The following SCAPER variants were observed in gnomAD, a reference collection of about 807,000 sequenced individuals.
SCAPER encodes the protein S phase cyclin A-associated protein in the endoplasmic reticulum.
Under a neutral mutation model 182.2 loss-of-function variants are expected in SCAPER, and 98 were observed. The ratio of observed to expected loss-of-function variants is 0.54; its 90% CI spans 0.46 to 0.64. SCAPER has a LOEUF of 0.64. SCAPER is among the 30% of genes least tolerant of loss of function. SCAPER has a pLI of 0.00. For missense variants in SCAPER, 1,432 were observed against 1,690.0 expected, an observed-to-expected ratio of 0.85 and a Z score of 2.68; for synonymous variants, 605 against 564.6, an observed-to-expected ratio of 1.07 and a Z score of -1.01.
chr15:76,745,855 G>C (rs2061766169), intron 15 of SCAPER, among the ~76,000 whole-genome samples: 1 of 152,102 alleles, frequency 6.6e-6, no homozygotes, highest in Non-Finnish European at 1.5e-5. Context: ...AAAGCCTTTG[G>C]AACCAGAAAG....
chr15:76,767,210 A>T, intron 10 of SCAPER, 122 bp from the exon 11 acceptor site: 2 of 983,900 alleles, frequency 2.0e-6, no homozygotes, highest in Non-Finnish European at 2.9e-6. Context: ...TAGAATCATA[A>T]AAGCTGGGGT....
At chr15:76,852,722 C>T (rs1035254141) in intron 4 of SCAPER, among the ~76,000 whole-genome samples, 5 of 152,116 alleles carry the variant, frequency 3.3e-5, no homozygotes, top group African/African-American at 1.2e-4. Context: ...GCACTAAACA[C>T]CCACATCAAA....
chr15:76,419,222 A>C (rs1439922994), intron 26 of SCAPER, among the ~76,000 whole-genome samples: 1 of 151,822 alleles, frequency 6.6e-6, no homozygotes, highest in East Asian at 1.9e-4. Context: ...CCTAGGACCC[A>C]CCTACAGGTG....
intron 15 of SCAPER, among the ~76,000 whole-genome samples, 172 bp downstream of exon 15, chr15:76,753,636 A>G (rs956657012): frequency 1.3e-5 from 2 of 151,996 alleles, no homozygotes; most frequent in Admixed American, 1.3e-4. Context: ...GGCTCATAGA[A>G]TTATCAAAGG....
At chr15:76,855,276 C>T (rs916596557) in intron 4 of SCAPER, among the ~76,000 whole-genome samples, 1 of 151,928 alleles carries the variant, frequency 6.6e-6, no homozygotes, top group Non-Finnish European at 1.5e-5. Context: ...AAAATCAACT[C>T]AAGATGGATT....
intron 1 of SCAPER, among the ~76,000 whole-genome samples, chr15:76,895,857 A>C (rs1443198026): frequency 1.3e-5 from 2 of 151,988 alleles, no homozygotes; most frequent in African/African-American, 4.8e-5. Flanking sequence ...TGGCTGACAC[A>C]GTGAAACCCC....
At chr15:76,641,145 G>A (rs2054074462) in intron 21 of SCAPER, among the ~76,000 whole-genome samples, 1 of 152,150 alleles carries the variant, frequency 6.6e-6, no homozygotes, top group Admixed American at 6.5e-5. Flanking sequence ...TGTTTCTATG[G>A]ATTGTCTGTA....
chr15:76,721,515 G>C (rs1598365672), intron 17 of SCAPER, among the ~76,000 whole-genome samples: 2 of 152,016 alleles, frequency 1.3e-5, no homozygotes, highest in African/African-American at 4.8e-5. Flanking sequence ...ATTACCTTGG[G>C]CAGTATGGCC....
chr15:76,600,376 AGTGTGTGTATATGTGT>A (rs1567561058), intron 22 of SCAPER, among the ~76,000 whole-genome samples: 3 of 75,756 alleles, frequency 4.0e-5, no homozygotes, highest in African/African-American at 9.9e-5. Flanking sequence ...ATACTTGGAA[AGTGTGTGTATATGTGT>A]GTGTGTGTGT....
chr15:76,578,830 A>G (rs974955678), intron 22 of SCAPER, among the ~76,000 whole-genome samples: 14 of 152,184 alleles, frequency 9.2e-5, no homozygotes, highest in Non-Finnish European at 1.8e-4. Flanking sequence ...CAAACACCCA[A>G]TATGACCTCA....
At chr15:76,794,652 A>T (rs981388708) in intron 8 of SCAPER, among the ~76,000 whole-genome samples, 1 of 152,238 alleles carries the variant, frequency 6.6e-6, no homozygotes, top group Non-Finnish European at 1.5e-5. Flanking sequence ...TCTTGAACTC[A>T]TGAAACAAAA....
chr15:76,728,824 A>G, intron 16 of SCAPER, 87 bp from the exon 17 acceptor site: 4 of 1,400,332 alleles, frequency 2.9e-6, no homozygotes, highest in Non-Finnish European at 3.8e-6. Flanking sequence ...CCAAACTTAC[A>G]TGTTCAAGCC....
intron 23 of SCAPER, among the ~76,000 whole-genome samples, chr15:76,524,031 A>G (rs72738836): frequency 5.7e-4 from 86 of 152,184 alleles, no homozygotes; most frequent in Non-Finnish European, 1.1e-3. Context: ...CATCAACACA[A>G]TCAGCTTAAC....
intron 27 of SCAPER, among the ~76,000 whole-genome samples, chr15:76,402,318 C>T (rs947030294): frequency 3.3e-5 from 5 of 152,122 alleles, no homozygotes; most frequent in African/African-American, 1.2e-4. Flanking sequence ...TGTTAAACTC[C>T]TCTGCACTCT....
chr15:76,360,219 T>C (rs763701985), intron 29 of SCAPER, among the ~76,000 whole-genome samples: 26 of 152,202 alleles, frequency 1.7e-4, no homozygotes, highest in Non-Finnish European at 3.5e-4. Flanking sequence ...TCTAGGACAA[T>C]GCTTTGCCAA....
chr15:76,510,888 T>TGTGTGC (rs1491205462), intron 23 of SCAPER, among the ~76,000 whole-genome samples: 5 of 141,090 alleles, frequency 3.5e-5, no homozygotes, highest in African/African-American at 1.3e-4. Flanking sequence ...TGTGTGTGTG[T>TGTGTGC]GCGCGCGCGC....
chr15:76,401,588 C>G (rs1654614094), intron 27 of SCAPER, among the ~76,000 whole-genome samples: 1 of 152,172 alleles, frequency 6.6e-6, no homozygotes, highest in African/African-American at 2.4e-5. Context: ...TCTAGTCTAG[C>G]TCTTGTAGCC....
At chr15:76,590,154 C>A (rs1342209570) in intron 22 of SCAPER, among the ~76,000 whole-genome samples, 1 of 152,192 alleles carries the variant, frequency 6.6e-6, no homozygotes, top group Non-Finnish European at 1.5e-5. Context: ...AGTCTCCACA[C>A]ACACTGCTCT....
chr15:76,503,706 A>G (rs796284598), intron 24 of SCAPER, among the ~76,000 whole-genome samples: 12 of 152,310 alleles, frequency 7.9e-5, no homozygotes, highest in African/African-American at 2.9e-4. Context: ...AATGAAATTA[A>G]GGCACTCACT....
Sources: gnomAD v4.1 joint callset for allele counts (sites outside exome capture counted in the v4.1 genomes callset) on GRCh38, gnomAD v4.1.1 for gene constraint, MANE v1.5 for transcripts, NCBI Gene and HGNC (gene_info 2026-07-23, HGNC 2026-07-21) for gene names.